The following JADE3 variants were observed in gnomAD, a reference collection of about 807,000 sequenced individuals.
JADE3 encodes jade family PHD finger 3, also known as protein Jade-3.
In JADE3, 2 loss-of-function variants were observed where a neutral mutation model predicts 50.1. The ratio of observed to expected loss-of-function variants is 0.04; its 90% CI spans 0.02 to 0.13. The LOEUF (loss-of-function observed/expected upper bound fraction) is 0.13. Among genes scored for constraint, JADE3 ranks in the 10% least tolerant of loss-of-function variants. JADE3 has a pLI of 1.00. For synonymous variants in JADE3, 218 were observed against 232.9 expected, an observed-to-expected ratio of 0.94 and a Z score of 0.58; for missense variants, 475 against 634.4, an observed-to-expected ratio of 0.75 and a Z score of 2.70.
At chrX:46,921,571 G>A (rs782221373) in intron 1 of JADE3, among the ~76,000 whole-genome samples, 51 of 112,033 alleles carry the variant, frequency 4.6e-4, no homozygotes, top group Non-Finnish European at 8.5e-4. Flanking sequence ...CAACGTGCAC[G>A]ATTGGCCCTT....
Position 47,024,760 on chromosome X carries a change from C to G in JADE3, c.321C>G (p.Ile107Met), listed in dbSNP as rs782322179. ...AGAAGGTAAAGGACGTTCTGTTTAT[C>G]CGACCCCGGAAGTATATTCACTGCT... ...IAEKVKDVLF[I>M]RPRKYIHCSS... is the part of the protein sequence containing the mutation. The change falls in exon 5 of 11, where the codon ATC becomes ATG. Residue 107 changes from isoleucine (I) to methionine (M), a missense_variant. By Grantham distance (10) the Ile-to-Met change is conservative (BLOSUM62 1). Around this residue, in one of 6 missense-constraint regions of JADE3, gnomAD observed 54 missense variants for 51.8 expected, o/e 1.04. Coordinates refer to ENST00000614628, the MANE Select transcript of JADE3 (RefSeq NM_014735.5). The G allele has an allele frequency of 8.3e-7, 1 of 1,197,976 alleles. No individual in the cohort carries two copies. The highest frequency in any genetic ancestry group is 1.1e-6 in the Non-Finnish European group (1 of 885,908).
intron 1 of JADE3, among the ~76,000 whole-genome samples, chrX:46,962,726 G>A (rs1556348015): frequency 9.0e-6 from 1 of 111,627 alleles, no homozygotes; most frequent in Admixed American, 9.5e-5. Flanking sequence ...GCTTATTTTT[G>A]TTCATGAGCC....
rs564682290 is a variant in JADE3 at position 46,988,218 on chromosome X, T to C, written c.126+2426T>C. 1.0e-3 allele frequency among the ~76,000 whole-genome samples: 112 copies of C among 112,012 alleles called. 1 individual carries two copies. The South Asian group carries it at 0.039, about 39-fold the overall frequency. ...ATTTCCAAGAAAAGTGCCTGGGATC[T>C]GGATTTTAAAAAGTGACTCAGGTGA... On this transcript the variant is annotated intron_variant, in intron 3 of 10. Coordinates refer to ENST00000614628, the MANE Select transcript of JADE3 (RefSeq NM_014735.5).
intron 2 of JADE3, 109 bp downstream of exon 2, chrX:46,985,049 T>A: frequency 1.6e-6 from 1 of 625,444 alleles, no homozygotes; most frequent in Non-Finnish European, 2.6e-6. Flanking sequence ...GGTTGAAAAA[T>A]GTTTCTGAGA....
chrX:46,947,664 A>G lies in JADE3; in HGVS notation c.-12+34945A>G, dbSNP rs782761235. ...CTTTTTTGGCTCCTATATAGGCAAT[A>G]TCAGGGTTTGTCCCCTTAGCTGTCC... On this transcript the variant is annotated intron_variant, in intron 1 of 10. Transcript: ENST00000614628. Among the ~76,000 whole-genome samples the G allele has an allele frequency of 2.7e-5, 3 of 111,435 alleles. No homozygotes were observed. In the East Asian group the frequency reaches 8.4e-4, roughly 31 times the overall value.
intron 4 of JADE3, among the ~76,000 whole-genome samples, chrX:47,015,797 G>C (rs1928661060): frequency 1.1e-5 from 1 of 93,673 alleles, no homozygotes; most frequent in Admixed American, 1.3e-4. Flanking sequence ...ATAGCTCACT[G>C]CAGCCTCGAT....
At chrX:47,008,957 A>G (rs914275430) in intron 4 of JADE3, among the ~76,000 whole-genome samples, 8 of 111,256 alleles carry the variant, frequency 7.2e-5, no homozygotes, top group Non-Finnish European at 1.3e-4. Flanking sequence ...TCATATATAC[A>G]CATAGATACA....
At chrX:46,965,665 T>C (rs1442140997) in intron 1 of JADE3, among the ~76,000 whole-genome samples, 1 of 111,126 alleles carries the variant, frequency 9.0e-6, no homozygotes, top group Non-Finnish European at 1.9e-5. Context: ...GTTTTAAAAG[T>C]GAGGAAGCAA....
At chrX:46,912,340 G>A (rs1400717096), upstream of JADE3, 2 of 112,272 alleles carry the variant, frequency 1.8e-5, no homozygotes, top group African/African-American at 6.4e-5. Flanking sequence ...GAGCCGCTCC[G>A]GTAGGGCGAG....
intron 1 of JADE3, among the ~76,000 whole-genome samples, chrX:46,942,250 A>C (rs1556342441): frequency 9.0e-6 from 1 of 111,547 alleles, no homozygotes; most frequent in African/African-American, 3.3e-5. Flanking sequence ...GTTTTGTTGC[A>C]GTTGCTTTTG....
chrX:46,915,086 A>G (rs1926052287), intron 1 of JADE3, among the ~76,000 whole-genome samples: 1 of 111,946 alleles, frequency 8.9e-6, no homozygotes, highest in African/African-American at 3.3e-5. Context: ...ACACAAAGCC[A>G]TATCTTCTTT....
At chrX:47,039,131 A>T in intron 8 of JADE3, 66 bp downstream of exon 8, 1 of 556,284 alleles carries the variant, frequency 1.8e-6, no homozygotes, top group Non-Finnish European at 3.1e-6. Context: ...CCTCCCAGTG[A>T]GAGTGTCCTG....
At chrX:46,990,379 TC>T (rs782026591) in intron 3 of JADE3, among the ~76,000 whole-genome samples, 37 of 112,049 alleles carry the variant, frequency 3.3e-4, no homozygotes, top group Non-Finnish European at 6.0e-4. Context: ...GTTGTAGAAT[TC>T]CTGAGCTCCC....
At position 47,015,623 on chromosome X, in the gene JADE3, AAAT is replaced by A. The variant is rs782297904; in HGVS notation, c.285-9100_285-9098del. Among the ~76,000 whole-genome samples the A allele has an allele frequency of 2.5e-3, 280 of 110,446 alleles. 1 individual carries two copies. Among genetic ancestry groups the A allele is most frequent in the African/African-American group, 8.7e-3 (263 of 30,348 alleles). On this transcript the variant is annotated intron_variant, in intron 4 of 10. Coordinates refer to ENST00000614628, the MANE Select transcript of JADE3 (RefSeq NM_014735.5). ...AATTGATCTAATGTAATACAATAGT[AAAT>A]TAAGTTAAAATGTACTTGAAAATAT...
intron 1 of JADE3, among the ~76,000 whole-genome samples, chrX:46,966,739 CAAAG>C (rs1164839882): frequency 1.0e-4 from 11 of 110,493 alleles, no homozygotes; most frequent in Admixed American, 1.9e-4. Flanking sequence ...CAAGAGAAGG[CAAAG>C]AAAGAAAGAA....
intron 8 of JADE3, among the ~76,000 whole-genome samples, chrX:47,043,453 C>T (rs1929306765): frequency 8.9e-6 from 1 of 112,303 alleles, no homozygotes; most frequent in African/African-American, 3.2e-5. Flanking sequence ...TTTGAGGAAG[C>T]TCAGCAAAAT....
At chrX:46,934,758 C>CA (rs1926578494) in intron 1 of JADE3, among the ~76,000 whole-genome samples, 1 of 111,344 alleles carries the variant, frequency 9.0e-6, no homozygotes, top group Non-Finnish European at 1.9e-5. Context: ...ATAAGAAAAA[C>CA]TTGCTTATAA....
intron 8 of JADE3, among the ~76,000 whole-genome samples, chrX:47,045,344 G>A (rs12008521): frequency 0.22 from 24,795 of 111,749 alleles, 2,477 homozygotes; most frequent in East Asian, 0.37. Context: ...ATTCAGTTCA[G>A]CAAGAAGATA....
At chrX:47,018,620 C>T (rs1227272846) in intron 4 of JADE3, among the ~76,000 whole-genome samples, 2 of 111,845 alleles carry the variant, frequency 1.8e-5, no homozygotes, top group South Asian at 3.8e-4. Flanking sequence ...AGGTGTGAGC[C>T]GCCGCGCCCG....
Sources: allele counts gnomAD v4.1 joint callset (sites outside exome capture counted in the v4.1 genomes callset), GRCh38; gene constraint gnomAD v4.1.1; regional missense constraint gnomAD v4.1.1; transcripts MANE v1.5; gene names NCBI Gene and HGNC (gene_info 2026-07-23, HGNC 2026-07-21).